ADAMTSL1: variants seen among roughly 807,000 people sequenced by gnomAD.
The protein encoded by ADAMTSL1 is ADAMTS-like protein 1.
A neutral mutation model predicts 201.8 loss-of-function variants in ADAMTSL1; 126 were observed. The observed-to-expected ratio is 0.62, with a 90% CI of 0.54 to 0.72. The LOEUF (loss-of-function observed/expected upper bound fraction) is 0.72, where lower values mean the gene tolerates loss of function less well. ADAMTSL1 is among the 30% of genes least tolerant of loss of function. The pLI is 0.00. For synonymous variants in ADAMTSL1, 1,121 were observed against 903.4 expected (o/e 1.24, Z -4.32); for missense variants, 2,679 against 2,277.8 (o/e 1.18, Z -3.59).
At chr9:18,752,892 A>T (rs1366780728) in intron 15 of ADAMTSL1, among the ~76,000 whole-genome samples, 1 of 152,198 alleles carries the variant, frequency 6.6e-6, no homozygotes, top group Admixed American at 6.5e-5. Context: ...TCTTGCTAAG[A>T]ATTGGGGCTG....
chr9:18,493,907 A>C (rs757440543), intron 1 of ADAMTSL1, among the ~76,000 whole-genome samples: 2 of 152,218 alleles, frequency 1.3e-5, no homozygotes, highest in Admixed American at 6.5e-5. Flanking sequence ...GGTGTTCTAC[A>C]AGGCACTGCG....
At chr9:18,020,777 C>G (rs145308569) in intron 1 of ADAMTSL1, among the ~76,000 whole-genome samples, 9 of 152,252 alleles carry the variant, frequency 5.9e-5, no homozygotes, top group East Asian at 5.8e-4. Flanking sequence ...AAATGTCTGT[C>G]TACCTCATTG....
chr9:18,704,306 A>T (rs911611058), intron 13 of ADAMTSL1, among the ~76,000 whole-genome samples: 1 of 152,214 alleles, frequency 6.6e-6, no homozygotes, highest in African/African-American at 2.4e-5. Flanking sequence ...CCTTTATAGA[A>T]AAAGCTGGCC....
At position 18,445,812 on chromosome 9, in the gene ADAMTSL1, A is replaced by G. The variant is rs534028608; in HGVS notation, c.208-59017A>G. Among the ~76,000 whole-genome samples, 345 of 152,278 alleles carry G rather than the reference A, an allele frequency of 2.3e-3. 2 individuals carry two copies. The highest frequency in any genetic ancestry group is 7.6e-3 in the African/African-American group (314 of 41,576). On this transcript the variant is annotated intron_variant, in intron 2 of 29. Transcript: ENST00000680146. ...TTAAAACCTACATTTAATCTTTGTCATGTGAAAAAAGTACAATTATCAGAA... is the reference window on the plus strand; with the variant it reads ...TTAAAACCTACATTTAATCTTTGTCGTGTGAAAAAAGTACAATTATCAGAA...
chr9:17,971,635 T>C (rs886689853), intron 1 of ADAMTSL1, among the ~76,000 whole-genome samples: 12 of 152,102 alleles, frequency 7.9e-5, no homozygotes, highest in South Asian at 6.2e-4. Context: ...TGTTATAAAA[T>C]TGTGGCCCAA....
intron 2 of ADAMTSL1, among the ~76,000 whole-genome samples, chr9:18,427,140 A>T (rs892489922): frequency 1.3e-5 from 2 of 152,230 alleles, no homozygotes; most frequent in African/African-American, 4.8e-5. Flanking sequence ...CAAATCTTGT[A>T]GCAAATTGAA....
chr9:18,000,721 G>A (rs1006632522), intron 1 of ADAMTSL1, among the ~76,000 whole-genome samples: 1 of 152,058 alleles, frequency 6.6e-6, no homozygotes, highest in African/African-American at 2.4e-5. Context: ...GAACAAAAAA[G>A]GAATGTACTG....
intron 28 of ADAMTSL1, 48 bp from the exon 29 acceptor site, chr9:18,908,394 T>C: frequency 6.7e-7 from 1 of 1,481,486 alleles, no homozygotes; most frequent in Non-Finnish European, 9.2e-7. Context: ...AGTCTCTGTT[T>C]CACATCTCTT....
chr9:18,580,296 T>G (rs1270674532), intron 4 of ADAMTSL1, among the ~76,000 whole-genome samples: 1 of 152,128 alleles, frequency 6.6e-6, no homozygotes, highest in Non-Finnish European at 1.5e-5. Context: ...AACAAAGAAA[T>G]TCTTTTCATT....
intron 2 of ADAMTSL1, among the ~76,000 whole-genome samples, chr9:18,530,891 C>T (rs1021277855): frequency 2.0e-5 from 3 of 152,088 alleles, no homozygotes; most frequent in Admixed American, 6.6e-5. Context: ...CACTGTGGTA[C>T]GTATGCAGCA....
At chr9:18,893,393 G>A (rs1316461908) in intron 26 of ADAMTSL1, among the ~76,000 whole-genome samples, 1 of 152,192 alleles carries the variant, frequency 6.6e-6, no homozygotes, top group African/African-American at 2.4e-5. Flanking sequence ...CTAACAGAGA[G>A]AAAAATACAT....
chr9:18,435,124 C>A (rs534014729), intron 2 of ADAMTSL1, among the ~76,000 whole-genome samples: 6 of 152,288 alleles, frequency 3.9e-5, no homozygotes, highest in East Asian at 1.9e-4. Context: ...ATTATACAGT[C>A]TAGTAATTCT....
At chr9:18,367,927 TCTCG>T (rs1332909433) in intron 2 of ADAMTSL1, among the ~76,000 whole-genome samples, 31 of 151,986 alleles carry the variant, frequency 2.0e-4, no homozygotes, top group African/African-American at 6.3e-4. Context: ...TGAGACGGAG[TCTCG>T]CTCTGTCGCC....
chr9:18,315,254 C>A (rs1364765891), intron 2 of ADAMTSL1, among the ~76,000 whole-genome samples: 1 of 152,122 alleles, frequency 6.6e-6, no homozygotes, highest in Non-Finnish European at 1.5e-5. Flanking sequence ...ATTTACAATC[C>A]TCCAGGTAGA....
Position 18,905,830 on chromosome 9 carries a change from G to C in ADAMTSL1, c.4900G>C (p.Val1634Leu), listed in dbSNP as rs1830274658. Residue 1634 changes from valine (V) to leucine (L), a missense_variant, in exon 27 of 29, where the codon GTC becomes CTC. Physicochemically the swap from Val to Leu is conservative, Grantham distance 32. Coordinates refer to ENST00000380548, the MANE Select transcript of ADAMTSL1 (RefSeq NM_001040272.6). ...TCACCTAGCTGTGCAACACAGACAAGTCTTCTGCCAGACACGGGATGGCAT... is the reference window on the plus strand; with the variant it reads ...TCACCTAGCTGTGCAACACAGACAACTCTTCTGCCAGACACGGGATGGCAT... ...GPHLAVQHRQ[V>L]FCQTRDGITL... 1.2e-6 allele frequency: 2 copies of C among 1,613,624 alleles called. No homozygotes were observed. The highest frequency in any genetic ancestry group is 1.3e-5 in the African/African-American group (1 of 74,926).
At chr9:18,356,604 AACAC>A (rs67090987) in intron 2 of ADAMTSL1, among the ~76,000 whole-genome samples, 3,656 of 143,334 alleles carry the variant, frequency 0.026, 52 homozygotes, top group Middle Eastern at 0.032. Flanking sequence ...TACACAATAA[AACAC>A]ACACACACAC....
intron 2 of ADAMTSL1, among the ~76,000 whole-genome samples, chr9:18,404,527 T>C (rs1407136627): frequency 6.6e-6 from 1 of 152,246 alleles, no homozygotes. Flanking sequence ...CCCTGTAATC[T>C]TGACCTCTTT....
At position 18,777,902 on chromosome 9, in the gene ADAMTSL1, G is replaced by T; in HGVS notation, c.3673G>T (p.Asp1225Tyr). ...ARNGEEVQFSDRILLQPDDSL... is the reference protein window; with the variant it reads ...ARNGEEVQFSYRILLQPDDSL... ...GAATGGAGAAGAAGTTCAGTTCAGT[G>T]ACAGGTGAGCCTTGTAGCTAACCTG... Residue 1225 changes from aspartate (D) to tyrosine (Y), a missense_variant, in exon 19 of 29, where the codon GAC (aspartate) becomes TAC (tyrosine). Transcript: ENST00000380548. The T allele has an allele frequency of 6.5e-7, 1 of 1,543,460 alleles. No individual in the cohort carries two copies. Among genetic ancestry groups the T allele is most frequent in the Non-Finnish European group, 8.8e-7 (1 of 1,141,578 alleles).
intron 2 of ADAMTSL1, among the ~76,000 whole-genome samples, chr9:18,392,012 AC>A (rs1461573383): frequency 3.5e-4 from 52 of 150,686 alleles, no homozygotes; most frequent in African/African-American, 1.1e-3. Context: ...TTTAGTAGAG[AC>A]CGGGGTTTCA....
Sources: allele counts gnomAD v4.1 joint callset (sites outside exome capture counted in the v4.1 genomes callset), GRCh38; gene constraint gnomAD v4.1.1; transcripts MANE v1.5; gene names NCBI Gene and HGNC (gene_info 2026-07-23, HGNC 2026-07-21).